Variants in PTPRT observed in about 807,000 individuals in gnomAD.
The protein encoded by PTPRT is protein tyrosine phosphatase receptor type T, also known as receptor-type tyrosine-protein phosphatase T.
PTPRT carries 56 observed loss-of-function variants against 176.8 expected under a neutral mutation model. The ratio of observed to expected loss-of-function variants is 0.32; its 90% CI spans 0.26 to 0.40. The LOEUF is 0.40. Ranked by LOEUF, PTPRT falls within the 10% of genes least tolerant of loss-of-function variation. The pLI, the probability that PTPRT is intolerant of heterozygous loss-of-function variation, is 1.00. For synonymous variants in PTPRT, 783 were observed against 739.0 expected, an observed-to-expected ratio of 1.06 and a Z score of -0.96; for missense variants, 1,540 against 1,908.2, an observed-to-expected ratio of 0.81 and a Z score of 3.60.
chr20:42,895,332 T>G (rs2079276533), intron 1 of PTPRT, among the ~76,000 whole-genome samples: 1 of 152,344 alleles, frequency 6.6e-6, no homozygotes, highest in Middle Eastern at 3.4e-3. Context: ...TGTACTCTGA[T>G]GCATCTTCCC....
chr20:42,958,888 G>A (rs532289399), intron 1 of PTPRT, among the ~76,000 whole-genome samples: 1 of 152,222 alleles, frequency 6.6e-6, no homozygotes, highest in East Asian at 1.9e-4. Flanking sequence ...ATATAGCTCA[G>A]TATTTGCCTG....
chr20:42,376,367 C>T (rs895122617), intron 9 of PTPRT, among the ~76,000 whole-genome samples: 3 of 152,188 alleles, frequency 2.0e-5, no homozygotes, highest in African/African-American at 2.4e-5. Context: ...GAGAACTTCT[C>T]CAAAGCATGT....
At chr20:42,529,478 CA>C (rs2072339221) in intron 7 of PTPRT, among the ~76,000 whole-genome samples, 1 of 152,082 alleles carries the variant, frequency 6.6e-6, no homozygotes, top group Non-Finnish European at 1.5e-5. Flanking sequence ...GCGCCTTGCA[CA>C]AAGTCAATTT....
intron 1 of PTPRT, among the ~76,000 whole-genome samples, chr20:43,137,219 G>A (rs1259897666): frequency 1.3e-5 from 2 of 152,168 alleles, no homozygotes; most frequent in Non-Finnish European, 2.9e-5. Context: ...TGGTAAGTGA[G>A]AAGCAATGCA....
chr20:42,312,994 T>C (rs2057659257), intron 12 of PTPRT, among the ~76,000 whole-genome samples: 1 of 151,844 alleles, frequency 6.6e-6, no homozygotes, highest in Non-Finnish European at 1.5e-5. Context: ...GCATTCTAAC[T>C]CACAGGATGA....
intron 15 of PTPRT, among the ~76,000 whole-genome samples, chr20:42,215,397 A>G (rs537510241): frequency 4.0e-4 from 61 of 152,352 alleles, no homozygotes; most frequent in African/African-American, 1.4e-3. Context: ...GAAATGATAA[A>G]TGATGACAGT....
At chr20:42,126,994 TA>T (rs1296887941) in intron 19 of PTPRT, among the ~76,000 whole-genome samples, 1 of 152,198 alleles carries the variant, frequency 6.6e-6, no homozygotes, top group Non-Finnish European at 1.5e-5. Context: ...GGCCCTTTGT[TA>T]ATTAGGGTGT....
At chr20:42,796,869 G>T (rs1355274368) in intron 2 of PTPRT, among the ~76,000 whole-genome samples, 1 of 152,184 alleles carries the variant, frequency 6.6e-6, no homozygotes, top group East Asian at 1.9e-4. Context: ...TCTCTCTGAT[G>T]ATCTTAAACA....
At position 42,075,797 on chromosome 20, in the gene PTPRT, T is replaced by C. The variant is rs934114619; in HGVS notation, c.*5082A>G. 5.4e-5 allele frequency: 11 copies of C among 203,200 alleles called. No individual in the cohort carries two copies. Among genetic ancestry groups the C allele is most frequent in the Non-Finnish European group, 1.0e-5 (1 of 99,108 alleles). 12.6% of individuals were successfully genotyped at this position (203,200 alleles called of 1,614,324 possible). On this transcript the variant is annotated 3_prime_UTR_variant, in exon 31 of 31. Transcript: ENST00000373187. Reference sequence around the variant, plus strand: ...CTTACAGCAAGAGCTAGTGTGGCAATGGGGAGTGGAGGATGAATAAACATG... The same window carrying C: ...CTTACAGCAAGAGCTAGTGTGGCAACGGGGAGTGGAGGATGAATAAACATG...
chr20:42,455,321 A>C (rs2145873859), intron 8 of PTPRT, among the ~76,000 whole-genome samples: 1 of 152,272 alleles, frequency 6.6e-6, no homozygotes, highest in South Asian at 2.1e-4. Flanking sequence ...CTGTTCTAGA[A>C]CTCAGTTATT....
intron 1 of PTPRT, among the ~76,000 whole-genome samples, chr20:43,041,193 T>C (rs1205432690): frequency 1.3e-5 from 2 of 152,220 alleles, no homozygotes; most frequent in East Asian, 1.9e-4. Flanking sequence ...GACCTGCAGC[T>C]AGAATGTGCC....
At chr20:42,910,260 C>T (rs1412103360) in intron 1 of PTPRT, among the ~76,000 whole-genome samples, 1 of 152,184 alleles carries the variant, frequency 6.6e-6, no homozygotes, top group Non-Finnish European at 1.5e-5. Context: ...ACATAAATTT[C>T]TCACCGCAGC....
chr20:42,867,390 A>AATT (rs1333356712), intron 2 of PTPRT, among the ~76,000 whole-genome samples: 1 of 102,174 alleles, frequency 9.8e-6, no homozygotes, highest in African/African-American at 4.1e-5. Context: ...AAGAACACAG[A>AATT]TTTTTTTTTT....
intron 4 of PTPRT, among the ~76,000 whole-genome samples, chr20:42,776,032 G>T (rs2077130250): frequency 6.6e-6 from 1 of 152,126 alleles, no homozygotes; most frequent in South Asian, 2.1e-4. Context: ...AGTCCCTGGG[G>T]CCCACAGGGC....
intron 1 of PTPRT, among the ~76,000 whole-genome samples, chr20:43,115,410 G>T (rs2013022435): frequency 6.6e-6 from 1 of 152,148 alleles, no homozygotes; most frequent in South Asian, 2.1e-4. Flanking sequence ...CGTTCTCTGG[G>T]AGTTCTCCAC....
Position 42,074,861 on chromosome 20 carries a change from GCCCATC to G in PTPRT, c.*6012_*6017del, listed in dbSNP as rs1400590678. On this transcript the variant is annotated 3_prime_UTR_variant, in exon 31 of 31. Coordinates refer to ENST00000373187, the MANE Select transcript of PTPRT (RefSeq NM_007050.6). The stretch of plus-strand genomic sequence containing the variant: ...TCTCTATAGTCAGTGCCATGCAAAA[GCCCATC>G]CCTGGTTACTAAAAAACTAGAAGAG... 2.5e-6 allele frequency: 1 copy of G among 398,510 alleles called. No individual in the cohort carries two copies. The highest frequency in any genetic ancestry group is 2.1e-5 in the African/African-American group (1 of 48,610). The allele number at this position is 398,510 out of a possible 1,614,324, so 24.7% of individuals were successfully genotyped here. A position where few individuals can be genotyped will look rare whatever the true frequency, so the allele number is the denominator to read the frequency against.
chr20:42,608,106 A>G (rs1325424747), intron 7 of PTPRT, among the ~76,000 whole-genome samples: 1 of 152,132 alleles, frequency 6.6e-6, no homozygotes, highest in Non-Finnish European at 1.5e-5. Flanking sequence ...GAATAACCAG[A>G]GGGTAGACTT....
At chr20:42,175,167 C>T (rs944189063) in intron 16 of PTPRT, among the ~76,000 whole-genome samples, 1 of 152,124 alleles carries the variant, frequency 6.6e-6, no homozygotes, top group African/African-American at 2.4e-5. Flanking sequence ...CACCTCCCTG[C>T]TCAAACTTTT....
chr20:42,567,963 CTTTTTTTTGCTTTTT>C (rs1601285735), intron 7 of PTPRT, among the ~76,000 whole-genome samples: 1 of 148,710 alleles, frequency 6.7e-6, no homozygotes, highest in Non-Finnish European at 1.5e-5. Flanking sequence ...TGTGGGTTTG[CTTTTTTTTGCTTTTT>C]TTTTTTTTGG....
Sources: gnomAD v4.1 joint callset for allele counts (sites outside exome capture counted in the v4.1 genomes callset) on GRCh38, gnomAD v4.1.1 for gene constraint, MANE v1.5 for transcripts, NCBI Gene and HGNC (gene_info 2026-07-23, HGNC 2026-07-21) for gene names.